POTEE: variants seen among roughly 807,000 people sequenced by gnomAD.
POTEE encodes POTE ankyrin domain family member E.
A neutral mutation model predicts 74.2 loss-of-function variants in POTEE; 21 were observed. The observed-to-expected ratio is 0.28, with a 90% CI of 0.20 to 0.41. POTEE has a LOEUF of 0.41. Among genes scored for constraint, POTEE ranks in the 10% least tolerant of loss-of-function variants. The pLI is 1.00. For missense variants in POTEE, 525 were observed against 1,158.6 expected, an observed-to-expected ratio of 0.45 and a Z score of 7.94; for synonymous variants, 211 against 432.8, an observed-to-expected ratio of 0.49 and a Z score of 6.36.
intron 2 of POTEE, among the ~76,000 whole-genome samples, chr2:131,213,967 A>C (rs1343495684): frequency 6.6e-6 from 1 of 151,816 alleles, no homozygotes; most frequent in African/African-American, 2.4e-5. Context: ...ATGGTGCCTC[A>C]GTTTATCCAT....
intron 14 of POTEE, among the ~76,000 whole-genome samples, chr2:131,251,245 C>A (rs1305809435): frequency 4.8e-5 from 1 of 20,908 alleles, no homozygotes; most frequent in African/African-American, 9.2e-5. Flanking sequence ...GCCTGGGTGA[C>A]AGAGCGAGAC....
rs1310706835 is a variant in POTEE at position 131,210,182 on chromosome 2, A to G, written c.-345+363A>G. Among the ~76,000 whole-genome samples, 5 of 134,998 alleles carry G rather than the reference A, an allele frequency of 3.7e-5. No individual in the cohort carries two copies. The Admixed American group carries it at 3.8e-4, about 10-fold the overall frequency. 88.6% of individuals were successfully genotyped at this position (134,998 alleles called of 152,430 possible). A position where few individuals can be genotyped will look rare whatever the true frequency, so the allele number is the denominator to read the frequency against. On this transcript the variant is annotated intron_variant, in intron 1 of 17. Coordinates refer to ENST00000683005, the MANE Select transcript of POTEE (RefSeq NM_001083538.3). ...GTTTAGGAGTGTTGTCGGGTGCTGC[A>G]CTGCCCTTACTCAGGGTGCGCTATC...
chr2:131,214,613 A>G (rs1700415256), intron 2 of POTEE, among the ~76,000 whole-genome samples: 1 of 152,108 alleles, frequency 6.6e-6, no homozygotes, highest in Non-Finnish European at 1.5e-5. Flanking sequence ...AATATTTTGT[A>G]AGAAAAATAG....
intron 4 of POTEE, among the ~76,000 whole-genome samples, chr2:131,220,109 A>T (rs1700571658): frequency 6.6e-6 from 1 of 152,066 alleles, no homozygotes; most frequent in Non-Finnish European, 1.5e-5. Flanking sequence ...ATGTCACAAA[A>T]ATAAGAGTAT....
chr2:131,263,491 A>G lies in POTEE; in HGVS notation c.2036A>G (p.Asp679Gly), dbSNP rs755915979. The change falls in exon 18 of 18, where the codon GAT becomes GGT. Residue 679 changes from aspartate (D) to glycine (G), a missense_variant. Coordinates refer to ENST00000683005, the MANE Select transcript of POTEE (RefSeq NM_001083538.3). ...CTAAGAGAAAAGAAATATTTGGAGGATATTGAAAGTGTGAAAAAAAAGAAT... is the reference window on the plus strand; with the variant it reads ...CTAAGAGAAAAGAAATATTTGGAGGGTATTGAAAGTGTGAAAAAAAAGAAT... ...SQLREKKYLE[D>G]IESVKKKNDN... is the part of the protein sequence containing the mutation. The G allele has an allele frequency of 5.1e-5, 82 of 1,611,728 alleles. No homozygotes were observed. The highest frequency in any genetic ancestry group is 1.1e-5 in the South Asian group (1 of 90,964).
At chr2:131,231,636 A>T (rs1367041384) in intron 9 of POTEE, among the ~76,000 whole-genome samples, 1 of 152,048 alleles carries the variant, frequency 6.6e-6, no homozygotes, top group African/African-American at 2.4e-5. Flanking sequence ...TTGTTGGAAC[A>T]AGATGTGTTC....
chr2:131,223,052 A>G (rs2105075011), intron 4 of POTEE, among the ~76,000 whole-genome samples: 1 of 151,922 alleles, frequency 6.6e-6, no homozygotes, highest in Non-Finnish European at 1.5e-5. Flanking sequence ...TGATCATCTC[A>G]GAATCACTAA....
At chr2:131,231,330 G>T (rs574563175) in intron 9 of POTEE, among the ~76,000 whole-genome samples, 24 of 151,434 alleles carry the variant, frequency 1.6e-4, no homozygotes, top group African/African-American at 5.8e-4. Flanking sequence ...GCGGTAATAT[G>T]AGCCATAAGG....
chr2:131,218,169 G>C, intron 3 of POTEE, 141 bp from the exon 4 acceptor site: 1 of 904,844 alleles, frequency 1.1e-6, no homozygotes, highest in South Asian at 1.8e-5. Flanking sequence ...GGCCCTTTCT[G>C]GGGTGGGCGT....
At chr2:131,217,057 G>C (rs1335257832) in intron 2 of POTEE, among the ~76,000 whole-genome samples, 1 of 152,040 alleles carries the variant, frequency 6.6e-6, no homozygotes, top group Non-Finnish European at 1.5e-5. Context: ...CTTTAAATGA[G>C]TGAATTAAAT....
At chr2:131,210,972 T>G (rs1397700639) in intron 1 of POTEE, among the ~76,000 whole-genome samples, 56 bp from the exon 2 acceptor site, 2 of 151,336 alleles carry the variant, frequency 1.3e-5, no homozygotes, top group Admixed American at 1.3e-4. Flanking sequence ...TGCCACCCAG[T>G]GGCCAGCATG....
intron 4 of POTEE, among the ~76,000 whole-genome samples, chr2:131,223,121 A>G (rs1213678995): frequency 3.3e-5 from 5 of 151,642 alleles, no homozygotes; most frequent in African/African-American, 1.2e-4. Flanking sequence ...TAATTGTATC[A>G]TCTCAGTTCA....
chr2:131,210,190 T>C (rs1475585529), intron 1 of POTEE, among the ~76,000 whole-genome samples: 1 of 132,284 alleles, frequency 7.6e-6, no homozygotes, highest in East Asian at 2.2e-4. Flanking sequence ...GCACTGCCCT[T>C]ACTCAGGGTG....
In POTEE at chr2:131,236,220, A is replaced by G. The variant is rs182952269; in HGVS notation, c.1127-512A>G. Among the ~76,000 whole-genome samples, 696 of 152,204 alleles carry G rather than the reference A, an allele frequency of 4.6e-3. 3 individuals are homozygous for G. The highest frequency in any genetic ancestry group is 7.7e-3 in the Non-Finnish European group (522 of 68,020). On this transcript the variant is annotated intron_variant, in intron 9 of 17. Coordinates refer to ENST00000683005, the MANE Select transcript of POTEE (RefSeq NM_001083538.3). Reference sequence around the variant, plus strand: ...ACAGCTCGGAGTGAATGCTGAGGGGAAGGGGAGACAGTAAAGGATTTTGTT... The same window carrying G: ...ACAGCTCGGAGTGAATGCTGAGGGGGAGGGGAGACAGTAAAGGATTTTGTT...
At chr2:131,243,677 G>GGA (rs1239155356) in intron 12 of POTEE, among the ~76,000 whole-genome samples, 2 of 146,030 alleles carry the variant, frequency 1.4e-5, no homozygotes, top group Non-Finnish European at 1.5e-5. Flanking sequence ...GTCAGGAGGT[G>GGA]GAGACCAGTG....
At chr2:131,213,083 C>G (rs1700389987) in intron 2 of POTEE, among the ~76,000 whole-genome samples, 1 of 151,746 alleles carries the variant, frequency 6.6e-6, no homozygotes, top group Non-Finnish European at 1.5e-5. Context: ...GCCTTGGCCC[C>G]CTGAGTAGCT....
rs1394835379 is a variant in POTEE at position 131,209,799 on chromosome 2, G to A, written c.-365G>A. Reference sequence around the variant, plus strand: ...TGGGACACTGCAGCTCGGCCAGAGTGGTAGAAATGTCCTGGTGTAGGTGAG... The same window carrying A: ...TGGGACACTGCAGCTCGGCCAGAGTAGTAGAAATGTCCTGGTGTAGGTGAG... On this transcript the variant is annotated 5_prime_UTR_variant, in exon 1 of 18. An upstream open reading frame in the 5' UTR gains an earlier in-frame stop. Transcript: ENST00000683005. Among the ~76,000 whole-genome samples, 1 of 152,124 alleles carries A rather than the reference G, an allele frequency of 6.6e-6. No individual in the cohort carries two copies. The highest frequency in any genetic ancestry group is 2.4e-5 in the African/African-American group (1 of 41,448).
intron 2 of POTEE, among the ~76,000 whole-genome samples, chr2:131,211,422 G>A (rs1306457428): frequency 6.7e-6 from 1 of 148,944 alleles, no homozygotes; most frequent in Non-Finnish European, 1.5e-5. Context: ...AGGGAAAGGA[G>A]TCCTCCCCCT....
intron 2 of POTEE, among the ~76,000 whole-genome samples, chr2:131,212,651 G>A (rs1358410635): frequency 8.2e-5 from 12 of 146,240 alleles, no homozygotes; most frequent in African/African-American, 2.8e-4. Context: ...TGCAACCTCC[G>A]CTTCCTGGGT....
Sources: allele counts gnomAD v4.1 joint callset (sites outside exome capture counted in the v4.1 genomes callset), GRCh38; gene constraint gnomAD v4.1.1; transcripts MANE v1.5; gene names NCBI Gene and HGNC (gene_info 2026-07-23, HGNC 2026-07-21).